Variants in FRS2 observed in about 807,000 individuals in gnomAD.
The protein encoded by FRS2 is fibroblast growth factor receptor substrate 2, also known as FGFR signalling adaptor.
FRS2 carries 8 observed loss-of-function variants against 43.9 expected under a neutral mutation model. The ratio of observed to expected loss-of-function variants is 0.18; its 90% CI spans 0.11 to 0.33. The LOEUF is 0.33. FRS2 is among the 10% of genes least tolerant of loss of function. The probability of loss-of-function intolerance (pLI) is 1.00; values close to 1 mark genes in which losing one functional copy is unlikely to be tolerated. For missense variants in FRS2, 534 were observed against 627.6 expected (o/e 0.85, Z 1.59); for synonymous variants, 219 against 220.3 (o/e 0.99, Z 0.05).
At chr12:69,565,004 C>A (rs192861332) in intron 4 of FRS2, among the ~76,000 whole-genome samples, 8 of 152,320 alleles carry the variant, frequency 5.3e-5, no homozygotes, top group African/African-American at 1.9e-4. Flanking sequence ...GAGATTCCTT[C>A]TGAGAAATGT....
intron 3 of FRS2, among the ~76,000 whole-genome samples, chr12:69,551,357 C>T (rs1395500550): frequency 2.6e-5 from 3 of 117,632 alleles, no homozygotes; most frequent in Admixed American, 8.6e-5. Context: ...TGTCTCAAAA[C>T]AAACAAACAA....
At chr12:69,545,318 A>G (rs902444138) in intron 3 of FRS2, among the ~76,000 whole-genome samples, 6 of 152,326 alleles carry the variant, frequency 3.9e-5, no homozygotes, top group African/African-American at 2.4e-5. Flanking sequence ...GGGACTCTCA[A>G]TAGCTAAAAC....
In FRS2 at chr12:69,544,368, A is replaced by G. The variant is rs575009070; in HGVS notation, c.-122+12312A>G. On this transcript the variant is annotated intron_variant, in intron 3 of 8. Coordinates refer to ENST00000549921, the MANE Select transcript of FRS2 (RefSeq NM_001278356.2). ...TCAATTGATGCAGAAAAAACATTTG[A>G]CAAAATTCAGCATTCTTTCATGATT... Among the ~76,000 whole-genome samples, 364 of 152,264 alleles carry G rather than the reference A, an allele frequency of 2.4e-3. 3 individuals carry two copies. Among genetic ancestry groups the G allele is most frequent in the Non-Finnish European group, 4.6e-3 (312 of 68,014 alleles).
rs375011199 is a variant in FRS2 at position 69,476,759 on chromosome 12, G to C, written c.-261+6229G>C. Among the ~76,000 whole-genome samples, 7 of 149,350 alleles carry C rather than the reference G, an allele frequency of 4.7e-5. No homozygotes were observed. The South Asian group carries it at 6.4e-4, about 14-fold the overall frequency. ...GGCGGCTGTGGGGGAGGGACGGGGG[G>C]GGGTGTGGGGGTGGGGAACTTAAGG... On this transcript the variant is annotated intron_variant, in intron 1 of 8. Transcript: ENST00000549921.
At chr12:69,479,721 TTTTA>T (rs1177983956) in intron 1 of FRS2, among the ~76,000 whole-genome samples, 2 of 152,166 alleles carry the variant, frequency 1.3e-5, no homozygotes, top group Non-Finnish European at 2.9e-5. Flanking sequence ...TTATGGCTAG[TTTTA>T]GAACTGCTAC....
intron 3 of FRS2, among the ~76,000 whole-genome samples, chr12:69,536,101 CTTTTTTTTTTTTTTTTTTTTTTTTTT>C (rs71094720): frequency 2.7e-5 from 1 of 37,176 alleles, no homozygotes; most frequent in Non-Finnish European, 5.3e-5. Context: ...TATTTTCATT[CTTTTTTTTTTTTTTTTTTTTTTTTTT>C]TTTTTTTTTT....
chr12:69,509,067 G>C (rs947078863), intron 1 of FRS2, among the ~76,000 whole-genome samples: 1 of 152,082 alleles, frequency 6.6e-6, no homozygotes, highest in African/African-American at 2.4e-5. Flanking sequence ...TAACAAATCT[G>C]AAACAGCTCT....
chr12:69,527,382 G>A (rs993301785), intron 1 of FRS2, among the ~76,000 whole-genome samples: 3 of 126,594 alleles, frequency 2.4e-5, no homozygotes, highest in Non-Finnish European at 4.8e-5. Context: ...CAAGGTCTAG[G>A]TACATCGTCC....
chr12:69,525,071 A>G (rs1368095330), intron 1 of FRS2, among the ~76,000 whole-genome samples: 1 of 151,908 alleles, frequency 6.6e-6, no homozygotes, highest in African/African-American at 2.4e-5. Context: ...CTGATGTCCC[A>G]GTCCCTTGGT....
intron 1 of FRS2, among the ~76,000 whole-genome samples, chr12:69,490,432 T>G (rs1426240195): frequency 3.3e-4 from 8 of 23,936 alleles, no homozygotes; most frequent in Non-Finnish European, 5.3e-4. Flanking sequence ...AATGTGTGGG[T>G]TTTTTTTTTT....
intron 5 of FRS2, 85 bp from the exon 6 acceptor site, chr12:69,570,246 C>A: frequency 9.9e-7 from 1 of 1,010,582 alleles, no homozygotes; most frequent in Non-Finnish European, 1.6e-6. Flanking sequence ...AATGAACTAA[C>A]AAATTACAAA....
intron 1 of FRS2, among the ~76,000 whole-genome samples, chr12:69,494,077 C>G (rs911498665): frequency 2.0e-5 from 3 of 152,054 alleles, no homozygotes; most frequent in African/African-American, 7.2e-5. Flanking sequence ...ATTATGTTTT[C>G]TTATATTTGG....
intron 4 of FRS2, among the ~76,000 whole-genome samples, chr12:69,562,690 A>T (rs1013865445): frequency 1.8e-4 from 27 of 151,966 alleles, no homozygotes; most frequent in South Asian, 1.0e-3. Context: ...ATTTAATTTT[A>T]ATTTTATTTT....
At chr12:69,481,212 G>A (rs1871320066) in intron 1 of FRS2, among the ~76,000 whole-genome samples, 1 of 151,452 alleles carries the variant, frequency 6.6e-6, no homozygotes, top group Middle Eastern at 3.2e-3. Context: ...ACCTCAGGGT[G>A]TATTTCCTAA....
At chr12:69,499,351 C>G (rs1430197958) in intron 1 of FRS2, among the ~76,000 whole-genome samples, 6 of 152,008 alleles carry the variant, frequency 3.9e-5, no homozygotes, top group African/African-American at 1.4e-4. Flanking sequence ...CAGATGGGAC[C>G]ACTTTTTGGA....
At chr12:69,533,398 G>A (rs1251822637) in intron 3 of FRS2, among the ~76,000 whole-genome samples, 3 of 151,430 alleles carry the variant, frequency 2.0e-5, no homozygotes, top group African/African-American at 7.3e-5. Flanking sequence ...TGCCCAGGCT[G>A]GAGTGCAATG....
intron 3 of FRS2, among the ~76,000 whole-genome samples, chr12:69,552,760 C>T (rs981898225): frequency 1.3e-5 from 2 of 151,610 alleles, no homozygotes; most frequent in Admixed American, 6.6e-5. Context: ...GGCGTGGTGG[C>T]GCATGCCTGT....
At chr12:69,536,924 C>G (rs1317194058) in intron 3 of FRS2, among the ~76,000 whole-genome samples, 1 of 152,114 alleles carries the variant, frequency 6.6e-6, no homozygotes, top group Non-Finnish European at 1.5e-5. Context: ...TCCAATTCTT[C>G]CTCTCATTCT....
chr12:69,552,971 G>A (rs569612327), intron 3 of FRS2, among the ~76,000 whole-genome samples: 1 of 152,028 alleles, frequency 6.6e-6, no homozygotes, highest in South Asian at 2.1e-4. Context: ...TGTACTTTGT[G>A]CTGAGAATGA....
Sources: gnomAD v4.1 joint callset for allele counts (sites outside exome capture counted in the v4.1 genomes callset) on GRCh38, gnomAD v4.1.1 for gene constraint, MANE v1.5 for transcripts, NCBI Gene and HGNC (gene_info 2026-07-23, HGNC 2026-07-21) for gene names.